LTBP1: variants seen among roughly 807,000 people sequenced by gnomAD.
LTBP1 encodes the protein latent transforming growth factor beta binding protein 1, also known as latent-transforming growth factor beta-binding protein 1.
A neutral mutation model predicts 207.6 loss-of-function variants in LTBP1; 129 were observed. The ratio of observed to expected loss-of-function variants is 0.62; its 90% CI spans 0.54 to 0.72. The LOEUF is 0.72. Among genes scored for constraint, LTBP1 ranks in the 30% least tolerant of loss-of-function variants. LTBP1 has a pLI of 0.00. For synonymous variants in LTBP1, 963 were observed against 833.7 expected, an observed-to-expected ratio of 1.16 and a Z score of -2.67; for missense variants, 2,281 against 2,217.2, an observed-to-expected ratio of 1.03 and a Z score of -0.58.
chr2:33,248,629 C>G (rs189266755), intron 10 of LTBP1, among the ~76,000 whole-genome samples: 1 of 151,082 alleles, frequency 6.6e-6, no homozygotes, highest in Non-Finnish European at 1.5e-5. Flanking sequence ...ATCTGCTGCC[C>G]AGGCTGGAGT....
chr2:33,034,870 G>A (rs1424977698), intron 3 of LTBP1, among the ~76,000 whole-genome samples: 1 of 152,152 alleles, frequency 6.6e-6, no homozygotes, highest in Admixed American at 6.5e-5. Context: ...AAAAAAGGAT[G>A]CAATTTGAAC....
intron 15 of LTBP1, among the ~76,000 whole-genome samples, chr2:33,273,251 C>T (rs1397866891): frequency 6.6e-6 from 1 of 151,972 alleles, no homozygotes; most frequent in African/African-American, 2.4e-5. Flanking sequence ...TGTTTCTTAT[C>T]AATAGATAAG....
intron 7 of LTBP1, among the ~76,000 whole-genome samples, chr2:33,203,628 T>C (rs2089565152): frequency 6.6e-6 from 1 of 151,978 alleles, no homozygotes; most frequent in South Asian, 2.1e-4. Flanking sequence ...TCCTCTCAGA[T>C]TTTTTTTCAT....
At chr2:33,328,622 A>C (rs2094458413) in intron 24 of LTBP1, among the ~76,000 whole-genome samples, 1 of 152,198 alleles carries the variant, frequency 6.6e-6, no homozygotes, top group African/African-American at 2.4e-5. Context: ...CACTATCATG[A>C]GAACAGCATT....
intron 25 of LTBP1, 105 bp from the exon 26 acceptor site, chr2:33,347,262 C>A: frequency 1.6e-6 from 2 of 1,281,378 alleles, no homozygotes; most frequent in Middle Eastern, 2.0e-4. Flanking sequence ...CTCTGGGGAT[C>A]GCCTTCTTTT....
chr2:33,342,153 T>C (rs2094635165), intron 24 of LTBP1, among the ~76,000 whole-genome samples: 1 of 152,206 alleles, frequency 6.6e-6, no homozygotes, highest in African/African-American at 2.4e-5. Flanking sequence ...TATAAGAACA[T>C]TTTTATTAAT....
chr2:33,069,975 C>T (rs920378519), intron 3 of LTBP1, among the ~76,000 whole-genome samples: 6 of 152,188 alleles, frequency 3.9e-5, no homozygotes, highest in African/African-American at 1.4e-4. Context: ...ATGGATGTGA[C>T]TTCACCATTG....
chr2:33,375,952 C>G (rs911232519), intron 31 of LTBP1, among the ~76,000 whole-genome samples: 6 of 151,918 alleles, frequency 3.9e-5, no homozygotes, highest in Non-Finnish European at 1.5e-5. Context: ...ATTTATAAGT[C>G]CAATAACCTT....
At chr2:32,992,818 TG>T (rs893528179) in intron 2 of LTBP1, among the ~76,000 whole-genome samples, 4 of 152,030 alleles carry the variant, frequency 2.6e-5, no homozygotes, top group African/African-American at 4.8e-5. Flanking sequence ...GAGGAAGACC[TG>T]TGAGAGATGC....
At chr2:33,135,784 G>GA (rs1449798259) in intron 5 of LTBP1, among the ~76,000 whole-genome samples, 1 of 152,198 alleles carries the variant, frequency 6.6e-6, no homozygotes, top group African/African-American at 2.4e-5. Flanking sequence ...TTTTGTCGCA[G>GA]AAAAATGTCT....
intron 3 of LTBP1, among the ~76,000 whole-genome samples, chr2:33,095,767 C>T (rs1371553270): frequency 6.6e-6 from 1 of 151,798 alleles, no homozygotes; most frequent in East Asian, 1.9e-4. Context: ...CATTAAAAAA[C>T]AGGTGGAAGT....
intron 24 of LTBP1, among the ~76,000 whole-genome samples, chr2:33,337,690 A>C (rs903090323): frequency 6.6e-6 from 1 of 152,218 alleles, no homozygotes; most frequent in Non-Finnish European, 1.5e-5. Context: ...TACCAATGAT[A>C]TCATGCATGG....
intron 1 of LTBP1, 37 bp downstream of exon 1, chr2:32,947,855 C>A: frequency 7.9e-7 from 1 of 1,271,802 alleles, no homozygotes; most frequent in South Asian, 3.0e-5. Context: ...CCGCCCGCCT[C>A]GCGCGCACCG....
At position 33,069,644 on chromosome 2, in the gene LTBP1, A is replaced by T. The variant is rs1287339935; in HGVS notation, c.864-40938A>T. Among the ~76,000 whole-genome samples, 10 of 152,264 alleles carry T rather than the reference A, an allele frequency of 6.6e-5. No individual in the cohort carries two copies. The East Asian group carries it at 1.7e-3, about 26-fold the overall frequency. ...ATAGACTCAGGTTCCTAGTACAGAC[A>T]TCTGCATCCAGACCAGTTATCTGCT... On this transcript the variant is annotated intron_variant, in intron 3 of 33. Transcript: ENST00000404816.
intron 2 of LTBP1, 141 bp downstream of exon 2, chr2:32,949,086 C>T (rs1676714045): frequency 2.6e-6 from 2 of 770,734 alleles, no homozygotes; most frequent in African/African-American, 1.7e-5. Flanking sequence ...GCTTCATTAC[C>T]ACCTAGGAAG....
chr2:33,180,663 C>T (rs1383527461), intron 5 of LTBP1, among the ~76,000 whole-genome samples: 1 of 151,996 alleles, frequency 6.6e-6, no homozygotes, highest in Non-Finnish European at 1.5e-5. Flanking sequence ...GCCTTGTTGA[C>T]CAGGCTGGTC....
intron 4 of LTBP1, among the ~76,000 whole-genome samples, chr2:33,127,253 T>C (rs1381284273): frequency 1.3e-5 from 2 of 152,154 alleles, no homozygotes; most frequent in African/African-American, 4.8e-5. Flanking sequence ...TTATGCAGAA[T>C]TTAAATTTCG....
chr2:33,308,125 T>C (rs1017065459), intron 22 of LTBP1, among the ~76,000 whole-genome samples: 2 of 152,202 alleles, frequency 1.3e-5, no homozygotes, highest in Admixed American at 1.3e-4. Flanking sequence ...TCGTTGCTAA[T>C]AACTTAAATC....
intron 19 of LTBP1, chr2:33,291,639 AT>A (rs2093777036): frequency 6.6e-6 from 1 of 152,208 alleles, no homozygotes; most frequent in African/African-American, 2.4e-5. Flanking sequence ...GCTCACCATA[AT>A]TAGTGATATT....
Sources: gnomAD v4.1 joint callset for allele counts (sites outside exome capture counted in the v4.1 genomes callset) on GRCh38, gnomAD v4.1.1 for gene constraint, MANE v1.5 for transcripts, NCBI Gene and HGNC (gene_info 2026-07-23, HGNC 2026-07-21) for gene names.